The following KCNQ5 variants were observed in gnomAD, a reference collection of about 807,000 sequenced individuals.
KCNQ5 encodes the protein potassium voltage-gated channel subfamily Q member 5.
A neutral mutation model predicts 98.2 loss-of-function variants in KCNQ5; 30 were observed. The observed-to-expected ratio is 0.31, with a 90% confidence interval of 0.23 to 0.41. The LOEUF is 0.41. KCNQ5 is among the 10% of genes least tolerant of loss of function. KCNQ5 has a pLI of 1.00. For synonymous variants in KCNQ5, 458 were observed against 449.4 expected (o/e 1.02, Z -0.24); for missense variants, 835 against 1,182.5 (o/e 0.71, Z 4.31).
intron 1 of KCNQ5, among the ~76,000 whole-genome samples, chr6:72,679,815 A>T (rs1465539687): frequency 6.6e-6 from 1 of 152,196 alleles, no homozygotes; most frequent in Non-Finnish European, 1.5e-5. Context: ...AGGTGGGCAG[A>T]TCGCCCTAGG....
chr6:72,823,121 C>T (rs1029171871), intron 1 of KCNQ5, among the ~76,000 whole-genome samples: 2 of 152,154 alleles, frequency 1.3e-5, no homozygotes, highest in Non-Finnish European at 2.9e-5. Context: ...GAATGTGATT[C>T]TATTTGGGAG....
chr6:72,971,606 A>G (rs925522760), intron 1 of KCNQ5, among the ~76,000 whole-genome samples: 2 of 152,170 alleles, frequency 1.3e-5, no homozygotes, highest in Non-Finnish European at 2.9e-5. Context: ...CAAATGCCCA[A>G]CAATGATAGA....
intron 1 of KCNQ5, among the ~76,000 whole-genome samples, chr6:72,880,496 G>A (rs751165395): frequency 1.4e-4 from 22 of 152,102 alleles, no homozygotes; most frequent in Non-Finnish European, 2.5e-4. Context: ...TTTGACATAC[G>A]AATTTGAAGG....
intron 1 of KCNQ5, among the ~76,000 whole-genome samples, chr6:72,899,941 G>A (rs1041520928): frequency 3.9e-4 from 59 of 151,934 alleles, no homozygotes; most frequent in African/African-American, 1.4e-3. Flanking sequence ...TGCCTCCCAG[G>A]TTCAAGTGAT....
chr6:72,660,920 C>A (rs186315077), intron 1 of KCNQ5, among the ~76,000 whole-genome samples: 1 of 151,966 alleles, frequency 6.6e-6, no homozygotes, highest in Non-Finnish European at 1.5e-5. Flanking sequence ...GTTATTATAA[C>A]CTAAATATTG....
chr6:72,799,304 T>G (rs1447364547), intron 1 of KCNQ5, among the ~76,000 whole-genome samples: 4 of 152,188 alleles, frequency 2.6e-5, no homozygotes, highest in Admixed American at 2.6e-4. Flanking sequence ...CCATCCACCC[T>G]GTCAAGGTAA....
At chr6:72,701,599 G>A (rs1406068591) in intron 1 of KCNQ5, among the ~76,000 whole-genome samples, 1 of 152,042 alleles carries the variant, frequency 6.6e-6, no homozygotes, top group Non-Finnish European at 1.5e-5. Flanking sequence ...TTTGTTTAGA[G>A]TTGGGGGTCT....
intron 1 of KCNQ5, among the ~76,000 whole-genome samples, chr6:72,700,001 AG>A (rs1054075671): frequency 4.6e-5 from 7 of 152,176 alleles, no homozygotes; most frequent in Non-Finnish European, 1.5e-5. Flanking sequence ...CCCATTTCAA[AG>A]GCTTGTTTGA....
intron 11 of KCNQ5, among the ~76,000 whole-genome samples, chr6:73,180,573 G>T (rs1778373175): frequency 6.6e-6 from 1 of 152,064 alleles, no homozygotes; most frequent in Non-Finnish European, 1.5e-5. Flanking sequence ...AGCAGGGATT[G>T]TTCCACCCCC....
intron 1 of KCNQ5, among the ~76,000 whole-genome samples, chr6:72,852,732 AT>A (rs1236022728): frequency 6.9e-6 from 1 of 145,918 alleles, no homozygotes; most frequent in Non-Finnish European, 1.5e-5. Flanking sequence ...AGATAAAATA[AT>A]TTTTTAGGAA....
chr6:72,967,266 T>C (rs1192607124), intron 1 of KCNQ5, among the ~76,000 whole-genome samples: 5 of 152,202 alleles, frequency 3.3e-5, no homozygotes, highest in Non-Finnish European at 2.9e-5. Context: ...AAATTTTTCA[T>C]ATTCTCACTG....
At chr6:72,927,206 T>C (rs895052515) in intron 1 of KCNQ5, among the ~76,000 whole-genome samples, 1 of 152,204 alleles carries the variant, frequency 6.6e-6, no homozygotes, top group Non-Finnish European at 1.5e-5. Flanking sequence ...ATTAGCCATG[T>C]GGAAATGCTA....
chr6:72,675,084 AT>A (rs1767340722), intron 1 of KCNQ5, among the ~76,000 whole-genome samples: 1 of 152,128 alleles, frequency 6.6e-6, no homozygotes, highest in African/African-American at 2.4e-5. Flanking sequence ...TTCAGTAGTT[AT>A]TTTTTGCTTT....
intron 1 of KCNQ5, among the ~76,000 whole-genome samples, chr6:72,984,310 C>T (rs1015221631): frequency 6.6e-6 from 1 of 152,164 alleles, no homozygotes; most frequent in African/African-American, 2.4e-5. Flanking sequence ...ATGCCCTGCC[C>T]CCAGAGGTGG....
At chr6:72,745,245 A>G (rs1230557856) in intron 1 of KCNQ5, among the ~76,000 whole-genome samples, 1 of 152,222 alleles carries the variant, frequency 6.6e-6, no homozygotes, top group Non-Finnish European at 1.5e-5. Context: ...TAAAACTGAA[A>G]AGATCAATTA....
chr6:72,848,383 A>T (rs2226136), intron 1 of KCNQ5, among the ~76,000 whole-genome samples: 51,498 of 151,908 alleles, frequency 0.34, 9,080 homozygotes, highest in South Asian at 0.43. Context: ...AGGCCCAGGT[A>T]TGTGTTGTTC....
At chr6:72,701,922 G>A (rs1768829326) in intron 1 of KCNQ5, among the ~76,000 whole-genome samples, 1 of 152,076 alleles carries the variant, frequency 6.6e-6, no homozygotes, top group East Asian at 1.9e-4. Flanking sequence ...TCCAGCTCCT[G>A]GGATCAAGCA....
Position 73,195,006 on chromosome 6 carries a change from T to A in KCNQ5, c.2391T>A (p.Asn797Lys). Residue 797 changes from asparagine to lysine, a missense_variant, in exon 14 of 14, where the codon AAT becomes AAA. Physicochemically the swap from Asn to Lys is moderately conservative, Grantham distance 94. This residue lies in a region of KCNQ5 where 416 missense variants were observed against 446.9 expected (regional missense o/e 0.93). Transcript: ENST00000370398. ...SKENVQVAQS[N>K]LTKDRSMRKS... is the part of the protein sequence containing the mutation. ...AAAATGTTCAGGTTGCACAGTCAAA[T>A]CTCACCAAGGACCGTTCTATGAGGA... The A allele has an allele frequency of 6.2e-7, 1 of 1,614,128 alleles. No homozygotes were observed. The highest frequency in any genetic ancestry group is 8.5e-7 in the Non-Finnish European group (1 of 1,180,022).
At chr6:73,128,372 T>A (rs1776082303) in intron 9 of KCNQ5, among the ~76,000 whole-genome samples, 1 of 152,226 alleles carries the variant, frequency 6.6e-6, no homozygotes, top group Non-Finnish European at 1.5e-5. Flanking sequence ...GTTGGAAAAG[T>A]CATTTTTAAA....
Sources: allele counts gnomAD v4.1 joint callset (sites outside exome capture counted in the v4.1 genomes callset), GRCh38; gene constraint gnomAD v4.1.1; regional missense constraint gnomAD v4.1.1; transcripts MANE v1.5; gene names NCBI Gene and HGNC (gene_info 2026-07-23, HGNC 2026-07-21).